Variants in NEGR1 observed in about 807,000 individuals in gnomAD.
The protein encoded by NEGR1 is IgLON family member 4.
Under a neutral mutation model 40.9 loss-of-function variants are expected in NEGR1, and 10 were observed. The ratio of observed to expected loss-of-function variants is 0.24; its 90% CI spans 0.15 to 0.42. The LOEUF (loss-of-function observed/expected upper bound fraction) is 0.42, where lower values mean the gene tolerates loss of function less well. Among genes scored for constraint, NEGR1 ranks in the 10% least tolerant of loss-of-function variants. The pLI is 1.00. For synonymous variants in NEGR1, 185 were observed against 166.8 expected, an observed-to-expected ratio of 1.11 and a Z score of -0.84; for missense variants, 352 against 438.9, an observed-to-expected ratio of 0.80 and a Z score of 1.77.
chr1:71,982,838 G>T, intron 1 of NEGR1, among the ~76,000 whole-genome samples: 1 of 152,058 alleles, frequency 6.6e-6, no homozygotes, highest in African/African-American at 2.4e-5. Context: ...ACTCTATTTC[G>T]AAGAGGAGAA....
Position 72,209,489 on chromosome 1 carries a change from C to T in NEGR1, c.176+72830G>A, listed in dbSNP as rs146900573. On this transcript the variant is annotated intron_variant, in intron 1 of 6. Coordinates refer to ENST00000357731, the MANE Select transcript of NEGR1 (RefSeq NM_173808.3). ...AATTATGTCCCATATCATGGAAATA[C>T]CTTAAACAAGAAAAAAAATTCTAGA... Among the ~76,000 whole-genome samples the T allele has an allele frequency of 5.2e-3, 782 of 151,702 alleles. 7 individuals carry two copies. The highest frequency in any genetic ancestry group is 0.018 in the African/African-American group (754 of 41,488).
chr1:71,724,008 T>A (rs1262215142), intron 3 of NEGR1, among the ~76,000 whole-genome samples: 1 of 152,116 alleles, frequency 6.6e-6, no homozygotes, highest in Non-Finnish European at 1.5e-5. Context: ...CTCACCAGGC[T>A]TATGGTTTTC....
chr1:71,767,470 A>C (rs1337472338), intron 3 of NEGR1, among the ~76,000 whole-genome samples: 1 of 152,200 alleles, frequency 6.6e-6, no homozygotes, highest in Non-Finnish European at 1.5e-5. Context: ...CCAGGTGTTC[A>C]AGAAGTAGCC....
intron 2 of NEGR1, among the ~76,000 whole-genome samples, chr1:71,919,691 T>A (rs371474212): frequency 1.5e-4 from 23 of 152,290 alleles, no homozygotes; most frequent in African/African-American, 5.5e-4. Flanking sequence ...GGTAAAATTG[T>A]TCCTCAATAA....
chr1:72,082,714 CA>C (rs56286693), intron 1 of NEGR1, among the ~76,000 whole-genome samples: 20,278 of 139,348 alleles, frequency 0.15, 1,563 homozygotes, highest in East Asian at 0.29. Context: ...AAACAAAAAA[CA>C]AAAAAAAAAA....
At chr1:72,249,001 G>A (rs1283510287) in intron 1 of NEGR1, among the ~76,000 whole-genome samples, 1 of 152,124 alleles carries the variant, frequency 6.6e-6, no homozygotes, top group Admixed American at 6.5e-5. Context: ...AATTAAATAT[G>A]ACATATTGCT....
At chr1:71,409,732 CAA>C (rs1215130771) in intron 6 of NEGR1, among the ~76,000 whole-genome samples, 1 of 151,912 alleles carries the variant, frequency 6.6e-6, no homozygotes, top group Non-Finnish European at 1.5e-5. Context: ...TAAAATCTGG[CAA>C]AGTGTGGTAT....
chr1:71,568,311 A>C (rs1454656061), intron 6 of NEGR1, among the ~76,000 whole-genome samples: 1 of 152,204 alleles, frequency 6.6e-6, no homozygotes, highest in Non-Finnish European at 1.5e-5. Context: ...GATGAACTCT[A>C]GTGAAGAATC....
intron 6 of NEGR1, among the ~76,000 whole-genome samples, chr1:71,450,886 T>C (rs1350772335): frequency 1.3e-5 from 2 of 152,006 alleles, no homozygotes; most frequent in Admixed American, 1.3e-4. Context: ...TCCCAGATAA[T>C]CATTAATGAT....
chr1:72,267,787 G>C (rs1655698006), intron 1 of NEGR1, among the ~76,000 whole-genome samples: 2 of 151,146 alleles, frequency 1.3e-5, no homozygotes, highest in African/African-American at 4.8e-5. Flanking sequence ...GAAAACACAA[G>C]TCTATTGAAA....
chr1:72,121,874 T>C (rs1317008242), intron 1 of NEGR1, among the ~76,000 whole-genome samples: 1 of 152,014 alleles, frequency 6.6e-6, no homozygotes, highest in Non-Finnish European at 1.5e-5. Flanking sequence ...TTTAAATTTA[T>C]ATGACAACAT....
At chr1:72,261,918 C>A (rs533416215) in intron 1 of NEGR1, among the ~76,000 whole-genome samples, 1 of 152,050 alleles carries the variant, frequency 6.6e-6, no homozygotes, top group Non-Finnish European at 1.5e-5. Flanking sequence ...GTACAATGTA[C>A]TTTATTTGGG....
intron 5 of NEGR1, among the ~76,000 whole-genome samples, chr1:71,610,406 G>C (rs1219187963): frequency 6.6e-6 from 1 of 152,154 alleles, no homozygotes; most frequent in Non-Finnish European, 1.5e-5. Flanking sequence ...GTCAAGTCCT[G>C]TCTTATCTTA....
chr1:71,608,204 G>C (rs1650130884), intron 5 of NEGR1, among the ~76,000 whole-genome samples: 1 of 152,114 alleles, frequency 6.6e-6, no homozygotes, highest in South Asian at 2.1e-4. Context: ...GATGATAAAT[G>C]TATGCTTCAC....
At chr1:71,508,839 C>A (rs1244760802) in intron 6 of NEGR1, among the ~76,000 whole-genome samples, 1 of 152,204 alleles carries the variant, frequency 6.6e-6, no homozygotes, top group African/African-American at 2.4e-5. Flanking sequence ...CAGTCCTATA[C>A]TTATCACCAT....
chr1:71,493,314 T>C (rs767705862), intron 6 of NEGR1, among the ~76,000 whole-genome samples: 29 of 152,200 alleles, frequency 1.9e-4, no homozygotes, highest in Non-Finnish European at 3.5e-4. Flanking sequence ...AACCCCAAAA[T>C]GTAGATGAAT....
At chr1:71,907,723 C>T (rs1557427943) in intron 2 of NEGR1, among the ~76,000 whole-genome samples, 2 of 152,082 alleles carry the variant, frequency 1.3e-5, no homozygotes, top group Non-Finnish European at 2.9e-5. Context: ...CAGCACTACT[C>T]ATCATAGAAA....
At chr1:71,604,489 C>T (rs1650020383) in intron 5 of NEGR1, among the ~76,000 whole-genome samples, 1 of 152,056 alleles carries the variant, frequency 6.6e-6, no homozygotes, top group African/African-American at 2.4e-5. Context: ...AAATTTATAG[C>T]TTGCTTAGAC....
At chr1:71,866,483 G>T (rs1441645479) in intron 2 of NEGR1, among the ~76,000 whole-genome samples, 2 of 152,116 alleles carry the variant, frequency 1.3e-5, no homozygotes, top group African/African-American at 4.8e-5. Context: ...AAAGGCAATA[G>T]CTATTTTGAA....
Sources: gnomAD v4.1 joint callset for allele counts (sites outside exome capture counted in the v4.1 genomes callset) on GRCh38, gnomAD v4.1.1 for gene constraint, MANE v1.5 for transcripts, NCBI Gene and HGNC (gene_info 2026-07-23, HGNC 2026-07-21) for gene names.